Variants in TRPC5 observed in about 807,000 individuals in gnomAD.
TRPC5 encodes the protein transient receptor potential cation channel subfamily C member 5, also known as short transient receptor potential channel 5.
Under a neutral mutation model 56.5 loss-of-function variants are expected in TRPC5, and 9 were observed. The observed-to-expected ratio is 0.16, with a 90% CI of 0.10 to 0.28. The LOEUF (loss-of-function observed/expected upper bound fraction) is 0.28, where lower values mean the gene tolerates loss of function less well. Among genes scored for constraint, TRPC5 ranks in the 10% least tolerant of loss-of-function variants. TRPC5 has a pLI of 1.00. For missense variants in TRPC5, 469 were observed against 748.9 expected (o/e 0.63, Z 4.36); for synonymous variants, 282 against 278.5 (o/e 1.01, Z -0.13).
At chrX:111,987,350 AT>A (rs1355981712) in intron 1 of TRPC5, among the ~76,000 whole-genome samples, 3 of 110,408 alleles carry the variant, frequency 2.7e-5, no homozygotes, top group East Asian at 2.8e-4. Context: ...TTTCTTCTTT[AT>A]TTTTTTTGTA....
intron 7 of TRPC5, among the ~76,000 whole-genome samples, chrX:111,810,537 G>C (rs183190843): frequency 9.0e-6 from 1 of 110,804 alleles, no homozygotes; most frequent in Non-Finnish European, 1.9e-5. Flanking sequence ...ACACAACTCT[G>C]AGTTAAAAAA....
rs946837705 is a variant in TRPC5 at position 111,895,340 on chromosome X, G to A, written c.900+16951C>T. 4.5e-5 allele frequency among the ~76,000 whole-genome samples: 5 copies of A among 111,460 alleles called. No individual in the cohort carries two copies. In the Admixed American group the frequency reaches 4.8e-4, roughly 11 times the overall value. The stretch of plus-strand genomic sequence containing the variant: ...ATTCGGATATTCTCCTCTATGAAGT[G>A]CCAGTTCAATTCTTTTATATTTTTT... On this transcript the variant is annotated intron_variant, in intron 3 of 10. Coordinates refer to ENST00000262839, the MANE Select transcript of TRPC5 (RefSeq NM_012471.3).
chrX:111,789,440 T>C (rs1436928630), intron 7 of TRPC5, among the ~76,000 whole-genome samples: 2 of 112,314 alleles, frequency 1.8e-5, no homozygotes, highest in East Asian at 5.5e-4. Context: ...ACTTAAACGT[T>C]ATACCTAAAG....
intron 1 of TRPC5, among the ~76,000 whole-genome samples, chrX:111,990,453 C>T (rs1014969458): frequency 1.8e-5 from 2 of 110,817 alleles, no homozygotes; most frequent in Non-Finnish European, 3.8e-5. Context: ...CTTTAAGATA[C>T]AAGGAGAAAT....
At chrX:111,841,274 G>T (rs376078042) in intron 6 of TRPC5, among the ~76,000 whole-genome samples, 3 of 111,983 alleles carry the variant, frequency 2.7e-5, no homozygotes, top group Non-Finnish European at 5.6e-5. Flanking sequence ...TTCGCTTTTC[G>T]TGTGTTCATG....
At chrX:111,956,393 G>A (rs1927237242) in intron 1 of TRPC5, among the ~76,000 whole-genome samples, 1 of 111,828 alleles carries the variant, frequency 8.9e-6, no homozygotes, top group Non-Finnish European at 1.9e-5. Flanking sequence ...AATTTAATCT[G>A]ATAAATTTGT....
At chrX:111,877,099 G>GT (rs1449824978) in intron 3 of TRPC5, among the ~76,000 whole-genome samples, 4 of 111,853 alleles carry the variant, frequency 3.6e-5, no homozygotes, top group Non-Finnish European at 7.5e-5. Context: ...AGGGATGGGA[G>GT]TAGGGTGATA....
intron 1 of TRPC5, among the ~76,000 whole-genome samples, chrX:111,968,927 TAACA>T (rs1477135518): frequency 9.4e-6 from 1 of 105,863 alleles, no homozygotes; most frequent in African/African-American, 3.5e-5. Flanking sequence ...TATACATATG[TAACA>T]AACCTGCACA....
intron 1 of TRPC5, among the ~76,000 whole-genome samples, chrX:112,042,273 C>T (rs1008686131): frequency 9.0e-6 from 1 of 111,280 alleles, no homozygotes; most frequent in Non-Finnish European, 1.9e-5. Context: ...ATGTGACAGC[C>T]GTTAAATGCA....
At chrX:111,834,714 C>T (rs1186456073) in intron 7 of TRPC5, among the ~76,000 whole-genome samples, 3 of 111,834 alleles carry the variant, frequency 2.7e-5, no homozygotes, top group African/African-American at 3.3e-5. Context: ...CTTATTCACT[C>T]GAATAACTTA....
At chrX:112,022,247 T>C (rs1929290457) in intron 1 of TRPC5, among the ~76,000 whole-genome samples, 1 of 112,359 alleles carries the variant, frequency 8.9e-6, no homozygotes, top group Non-Finnish European at 1.9e-5. Context: ...TGATGGAGAA[T>C]AGGAATGCTT....
At chrX:111,801,349 C>T (rs926070653) in intron 7 of TRPC5, among the ~76,000 whole-genome samples, 1 of 111,807 alleles carries the variant, frequency 8.9e-6, no homozygotes, top group Non-Finnish European at 1.9e-5. Flanking sequence ...AATAATTCTC[C>T]TATGAGTATT....
chrX:112,012,858 G>C (rs1286174545), intron 1 of TRPC5, among the ~76,000 whole-genome samples: 2 of 111,813 alleles, frequency 1.8e-5, no homozygotes, highest in Non-Finnish European at 3.8e-5. Flanking sequence ...AACACAAGCA[G>C]CTTGCCCCAG....
intron 6 of TRPC5, among the ~76,000 whole-genome samples, chrX:111,839,861 C>T (rs901959143): frequency 8.3e-5 from 9 of 108,813 alleles, no homozygotes; most frequent in African/African-American, 3.0e-4. Context: ...GGACTATAGG[C>T]ATGCATCACC....
At position 111,835,452 on chromosome X, in the gene TRPC5, A is replaced by G. The variant is rs143789144; in HGVS notation, c.1701-336T>C. The stretch of plus-strand genomic sequence containing the variant: ...TGTCTTCAGACCATGTTATTTTTTT[A>G]CCATTCTAATTATGCAGAGGCAATA... On this transcript the variant is annotated intron_variant, in intron 6 of 10. Coordinates refer to ENST00000262839, the MANE Select transcript of TRPC5 (RefSeq NM_012471.3). 4.5e-3 allele frequency among the ~76,000 whole-genome samples: 505 copies of G among 111,849 alleles called. 3 individuals carry two copies. The highest frequency in any genetic ancestry group is 0.016 in the African/African-American group (488 of 30,745).
intron 1 of TRPC5, among the ~76,000 whole-genome samples, chrX:112,048,399 C>CA (rs58537492): frequency 0.064 from 1,343 of 21,069 alleles, 44 homozygotes; most frequent in Non-Finnish European, 0.069. Context: ...GACTCCGTAT[C>CA]AAAAAAAAAA....
Position 111,853,847 on chromosome X carries a change from T to C in TRPC5, c.1160A>G (p.His387Arg). 2.5e-6 allele frequency: 3 copies of C among 1,211,933 alleles called. No homozygotes were observed. Among genetic ancestry groups the C allele is most frequent in the Non-Finnish European group, 3.3e-6 (3 of 895,528 alleles). ...TACATGAAGGTCTGTCCTGACAATG[T>C]GCTGAGAAGCCAGGAGAAGCATAAA... ...FLFMLLLASQ[H>R]IVRTDLHVQG... is the part of the protein sequence containing the mutation. The change falls in exon 4 of 11, where the codon CAC (histidine) becomes CGC (arginine). Residue 387 changes from histidine (H) to arginine (R), a missense_variant. Coordinates refer to ENST00000262839, the MANE Select transcript of TRPC5 (RefSeq NM_012471.3).
chrX:111,940,997 T>TA (rs1001693252), intron 2 of TRPC5, among the ~76,000 whole-genome samples: 1 of 112,223 alleles, frequency 8.9e-6, no homozygotes, highest in African/African-American at 3.2e-5. Flanking sequence ...GTAATACATT[T>TA]AAATGTTAAG....
intron 1 of TRPC5, among the ~76,000 whole-genome samples, chrX:112,027,528 G>T (rs182897512): frequency 9.0e-6 from 1 of 110,618 alleles, no homozygotes; most frequent in African/African-American, 3.3e-5. Flanking sequence ...ATGGAGTCTC[G>T]CTCTGTCGCC....
Sources: gnomAD v4.1 joint callset for allele counts (sites outside exome capture counted in the v4.1 genomes callset) on GRCh38, gnomAD v4.1.1 for gene constraint, MANE v1.5 for transcripts, NCBI Gene and HGNC (gene_info 2026-07-23, HGNC 2026-07-21) for gene names.